SLC23A1: variants seen among roughly 807,000 people sequenced by gnomAD.
The protein encoded by SLC23A1 is solute carrier family 23 member 1.
SLC23A1 carries 31 observed loss-of-function variants against 62.5 expected under a neutral mutation model. That is an observed-to-expected ratio of 0.50 (90% CI 0.37 to 0.67). The LOEUF (loss-of-function observed/expected upper bound fraction) is 0.67, where lower values mean the gene tolerates loss of function less well. Ranked by LOEUF, SLC23A1 falls within the 30% of genes least tolerant of loss-of-function variation. SLC23A1 has a pLI of 0.00. For synonymous variants in SLC23A1, 271 were observed against 313.2 expected, an observed-to-expected ratio of 0.87 and a Z score of 1.42; for missense variants, 640 against 782.7, an observed-to-expected ratio of 0.82 and a Z score of 2.18.
chr5:139,378,697 G>A lies in SLC23A1; in HGVS notation c.1074-13C>T, dbSNP rs1016616925. On this transcript the variant is annotated splice_polypyrimidine_tract_variant and intron_variant, in intron 9 of 14. Coordinates refer to ENST00000348729, the MANE Select transcript of SLC23A1 (RefSeq NM_005847.5). This position sits in a 1 kb window ranked among gnomAD's most constrained non-coding sequence, Gnocchi z 4.5. ...GGTGAAGATGCCCCTGTAAGGAAAGGGAGAGTCGGGGCTTGGTCCAGCCTC... is the reference window on the plus strand; with the variant it reads ...GGTGAAGATGCCCCTGTAAGGAAAGAGAGAGTCGGGGCTTGGTCCAGCCTC... 26 of 1,577,992 alleles carry A rather than the reference G, an allele frequency of 1.6e-5. No homozygotes were observed. Among genetic ancestry groups the A allele is most frequent in the Non-Finnish European group, 2.2e-5 (25 of 1,156,516 alleles).
In SLC23A1 at chr5:139,367,498, C is replaced by G. The variant is rs914967369; in HGVS notation, c.*153G>C. 1 of 150,908 alleles carries G rather than the reference C, an allele frequency of 6.6e-6. No homozygotes were observed. The highest frequency in any genetic ancestry group is 1.5e-5 in the Non-Finnish European group (1 of 67,830). The allele number at this position is 150,908 out of a possible 1,614,324, so 9.3% of individuals were successfully genotyped here. A position where few individuals can be genotyped will look rare whatever the true frequency, so the allele number is the denominator to read the frequency against. ...CCCACCCCTTTTTTTTTAACTGATG[C>G]AAAAATTTGAATCCCAGAGAAAGGT... On this transcript the variant is annotated 3_prime_UTR_variant, in exon 15 of 15. Transcript: ENST00000348729.
upstream of SLC23A1, chr5:139,384,288 G>T: frequency 8.8e-7 from 1 of 1,131,366 alleles, no homozygotes; most frequent in Non-Finnish European, 1.1e-6. Flanking sequence ...GCTGGTGAGG[G>T]CTGGGCCTGA....
rs1343313250 is a variant in SLC23A1, at chr5:139,380,808, G to A, written c.387C>T (p.Cys129=). The A allele has an allele frequency of 1.3e-6, 2 of 1,566,376 alleles. No individual in the cohort carries two copies. The highest frequency in any genetic ancestry group is 1.2e-5 in the South Asian group (1 of 86,008). Residue 129 remains cysteine (C), a synonymous_variant, in exon 4 of 15, where the codon TGC becomes TGT. Coordinates refer to ENST00000348729, the MANE Select transcript of SLC23A1 (RefSeq NM_005847.5). ...KAILALERWK[C]PPEEEIYGNW... ...CAGAAGTGTACCCACCTTCCGGGGG[G>A]CATTTCCATCTCTCCAGAGCCAGTA...
chr5:139,382,096 T>G, intron 2 of SLC23A1, 47 bp from the exon 3 acceptor site: 1 of 1,562,918 alleles, frequency 6.4e-7, no homozygotes, highest in Non-Finnish European at 8.7e-7. Context: ...ACCCCAGAGC[T>G]CCAGGGAGAG....
In SLC23A1 at chr5:139,378,099, C is replaced by T; in HGVS notation, c.1329G>A (p.Gly443=). 1 of 1,614,152 alleles carries T rather than the reference C, an allele frequency of 6.2e-7. No individual in the cohort carries two copies. Among genetic ancestry groups the T allele is most frequent in the Non-Finnish European group, 8.5e-7 (1 of 1,180,014 alleles). The stretch of plus-strand genomic sequence containing the variant: ...TGTCCACAAATTGCAGGTTGGACAG[C>T]CCCACAGCTGTAATCATGCCTAAGG... ...CTLFGMITAV[G]LSNLQFVDMN... Residue 443 remains glycine, a synonymous_variant, in exon 12 of 15, where the codon GGG becomes GGA. Coordinates refer to ENST00000348729, the MANE Select transcript of SLC23A1 (RefSeq NM_005847.5). The surrounding 1 kb of genome is among the most constrained non-coding windows in gnomAD (Gnocchi z 4.5).
intron 13 of SLC23A1, 89 bp downstream of exon 13, chr5:139,377,313 C>T (rs1757994017): frequency 2.6e-6 from 2 of 776,430 alleles, no homozygotes; most frequent in Middle Eastern, 3.1e-4. Flanking sequence ...TGCATGGGAC[C>T]TAACCACACA....
Position 139,378,468 on chromosome 5 carries a change from G to C in SLC23A1, c.1179+111C>G. ...AAACCGGCTGGGGCTTGATGCGGGG[G>C]CGAGGCCTCTCAAAGACAGGGTGGG... On this transcript the variant is annotated intron_variant, in intron 10 of 14. Transcript: ENST00000348729. The surrounding 1 kb of genome is among the most constrained non-coding windows in gnomAD (Gnocchi z 4.5). 1 of 1,443,474 alleles carries C rather than the reference G, an allele frequency of 6.9e-7. No homozygotes were observed. The highest frequency in any genetic ancestry group is 9.5e-7 in the Non-Finnish European group (1 of 1,056,594). 89.4% of individuals were successfully genotyped at this position (1,443,474 alleles called of 1,614,324 possible). A position where few individuals can be genotyped will look rare whatever the true frequency, so the allele number is the denominator to read the frequency against.
At chr5:139,371,557 G>A (rs1292690121) in intron 14 of SLC23A1, among the ~76,000 whole-genome samples, 1 of 152,236 alleles carries the variant, frequency 6.6e-6, no homozygotes, top group Non-Finnish European at 1.5e-5. Context: ...ACAAGGCAGT[G>A]TATATGAGAG....
At chr5:139,377,682 A>G (rs942217852) in intron 12 of SLC23A1, among the ~76,000 whole-genome samples, 185 bp from the exon 13 acceptor site, 4 of 152,268 alleles carry the variant, frequency 2.6e-5, no homozygotes, top group African/African-American at 9.6e-5. Flanking sequence ...ACCTGGGACA[A>G]ATCACTGAGC....
intron 14 of SLC23A1, among the ~76,000 whole-genome samples, chr5:139,370,518 G>C (rs945293769): frequency 6.8e-6 from 1 of 147,236 alleles, no homozygotes; most frequent in Non-Finnish European, 1.5e-5. Flanking sequence ...TTTCAAGACA[G>C]AGTCTCACTC....
chr5:139,379,212 G>C lies in SLC23A1; in HGVS notation c.1068C>G (p.Ile356Met), dbSNP rs1758106101. Reference protein sequence around the residue: ...AGAPPPPVHAINRGIFTEGIC... With the variant: ...AGAPPPPVHAMNRGIFTEGIC... ...GAGGAGGGCAGGTAGGCTACCTGTTGATAGCATGTACTGGAGGGGGTGGTG... is the reference window on the plus strand; with the variant it reads ...GAGGAGGGCAGGTAGGCTACCTGTTCATAGCATGTACTGGAGGGGGTGGTG... Residue 356 changes from isoleucine (I) to methionine (M), a missense_variant, in exon 9 of 15, where the codon ATC (isoleucine) becomes ATG (methionine). Ile to Met is a conservative substitution (Grantham distance 10, BLOSUM62 1). Coordinates refer to ENST00000348729, the MANE Select transcript of SLC23A1 (RefSeq NM_005847.5). This position sits in a 1 kb window ranked among gnomAD's most constrained non-coding sequence, Gnocchi z 4.7. 2 of 1,614,156 alleles carry C rather than the reference G, an allele frequency of 1.2e-6. No homozygotes were observed. Among genetic ancestry groups the C allele is most frequent in the Non-Finnish European group, 1.7e-6 (2 of 1,180,000 alleles).
chr5:139,368,297 G>A (rs1056571549), intron 14 of SLC23A1, among the ~76,000 whole-genome samples: 3 of 151,924 alleles, frequency 2.0e-5, no homozygotes, highest in Admixed American at 6.6e-5. Context: ...CTGAGATCGC[G>A]CCACTGCACT....
In SLC23A1 at chr5:139,380,793, C is replaced by T. The variant is rs1426557993; in HGVS notation, c.397+5G>A. ...CCCCAGTGCAGACCCCAGAAGTGTACCCACCTTCCGGGGGGCATTTCCATC... is the reference window on the plus strand; with the variant it reads ...CCCCAGTGCAGACCCCAGAAGTGTATCCACCTTCCGGGGGGCATTTCCATC... On this transcript the variant is annotated splice_donor_5th_base_variant and intron_variant, in intron 4 of 14. Coordinates refer to ENST00000348729, the MANE Select transcript of SLC23A1 (RefSeq NM_005847.5). 9 of 1,552,748 alleles carry T rather than the reference C, an allele frequency of 5.8e-6. No homozygotes were observed. Among genetic ancestry groups the T allele is most frequent in the Non-Finnish European group, 7.9e-6 (9 of 1,139,710 alleles).
At position 139,368,335 on chromosome 5, in the gene SLC23A1, G is replaced by A. The variant is rs560134568; in HGVS notation, c.*20-704C>T. ...AGCCTGGGTGACAGAGTGAGACTCC[G>A]TCTCATAAAAAAAAAACTAAATAAA... On this transcript the variant is annotated intron_variant, in intron 14 of 14. Coordinates refer to ENST00000348729, the MANE Select transcript of SLC23A1 (RefSeq NM_005847.5). Among the ~76,000 whole-genome samples the A allele has an allele frequency of 8.6e-5, 13 of 151,564 alleles. No homozygotes were observed. The East Asian group carries it at 1.9e-3, about 23-fold the overall frequency.
chr5:139,379,962 C>A lies in SLC23A1; in HGVS notation c.762G>T (p.Met254Ile), dbSNP rs1341955976. The A allele has an allele frequency of 1.2e-6, 2 of 1,614,044 alleles. No individual in the cohort carries two copies. The highest frequency in any genetic ancestry group is 2.2e-5 in the East Asian group (1 of 44,898). ...CCGCCTGCCAGGTCCTCACAGGAAACATTTTGAAGATCTGGATGCGGAGGA... is the reference window on the plus strand; with the variant it reads ...CCGCCTGCCAGGTCCTCACAGGAAAAATTTTGAAGATCTGGATGCGGAGGA... ...LTLLRIQIFK[M>I]FPIMLAIMTV... Residue 254 changes from methionine (M) to isoleucine (I), a missense_variant, in exon 7 of 15, where the codon ATG (methionine) becomes ATT (isoleucine). By Grantham distance (10) the Met-to-Ile change is conservative. Transcript: ENST00000348729. This position sits in a 1 kb window ranked among gnomAD's most constrained non-coding sequence, Gnocchi z 4.7.
In SLC23A1 at chr5:139,379,120, T is replaced by C; in HGVS notation, c.1073+87A>G. 3 of 1,416,986 alleles carry C rather than the reference T, an allele frequency of 2.1e-6. No individual in the cohort carries two copies. 87.8% of individuals were successfully genotyped at this position (1,416,986 alleles called of 1,614,324 possible). A position where few individuals can be genotyped will look rare whatever the true frequency, so the allele number is the denominator to read the frequency against. On this transcript the variant is annotated intron_variant, in intron 9 of 14. Transcript: ENST00000348729. The surrounding 1 kb of genome is among the most constrained non-coding windows in gnomAD (Gnocchi z 4.7). The stretch of plus-strand genomic sequence containing the variant: ...AGCGTGTTCCCGACTTGCCTAAGCC[T>C]ACCCCCTGGGCCTCCACCCCGTTCC...
At position 139,377,403 on chromosome 5, in the gene SLC23A1, TG is replaced by T; in HGVS notation, c.1547del (p.Pro516GlnfsTer9). 6.4e-7 allele frequency: 1 copy of T among 1,565,262 alleles called. No homozygotes were observed. Among genetic ancestry groups the T allele is most frequent in the Non-Finnish European group, 8.8e-7 (1 of 1,135,264 alleles). On this transcript the variant is annotated frameshift_variant and splice_region_variant, in exon 13 of 15. Transcript: ENST00000348729. LOFTEE classifies it high-confidence loss of function. ...CLAFILDNTV[P>X]GSPEERGLIQ... ...TCCCCTCCCAGGACCGAACCATACC[TG>T]GCACTGTGTTGTCAAGTATGAAAGC...
chr5:139,380,944 A>T (rs1267697322), intron 3 of SLC23A1, 58 bp from the exon 4 acceptor site: 1 of 757,014 alleles, frequency 1.3e-6, no homozygotes, highest in Non-Finnish European at 2.2e-6. Context: ...AGGAGGGATA[A>T]AGATGCGGGG....
At chr5:139,374,629 G>A (rs1757856446) in intron 13 of SLC23A1, among the ~76,000 whole-genome samples, 1 of 152,192 alleles carries the variant, frequency 6.6e-6, no homozygotes, top group Non-Finnish European at 1.5e-5. Flanking sequence ...AGGTTCCTCA[G>A]TGGATACTGA....
Sources: gnomAD v4.1 joint callset for allele counts (sites outside exome capture counted in the v4.1 genomes callset) on GRCh38, gnomAD v4.1.1 for gene constraint, Gnocchi (gnomAD v3.1) non-coding constraint, MANE v1.5 for transcripts, NCBI Gene and HGNC (gene_info 2026-07-23, HGNC 2026-07-21) for gene names.